Variants in LRRC4C observed in about 807,000 individuals in gnomAD.
LRRC4C encodes the protein leucine rich repeat containing 4C, also known as leucine-rich repeat-containing protein 4C.
LRRC4C carries 5 observed loss-of-function variants against 33.6 expected under a neutral mutation model. That is an observed-to-expected ratio of 0.15 (90% CI 0.08 to 0.31). LRRC4C has a LOEUF of 0.31. Among genes scored for constraint, LRRC4C ranks in the 10% least tolerant of loss-of-function variants. LRRC4C has a pLI of 1.00. For synonymous variants in LRRC4C, 329 were observed against 302.0 expected, an observed-to-expected ratio of 1.09 and a Z score of -0.93; for missense variants, 560 against 796.7, an observed-to-expected ratio of 0.70 and a Z score of 3.58.
intron 4 of LRRC4C, among the ~76,000 whole-genome samples, chr11:40,317,804 G>A (rs182575991): frequency 8.1e-4 from 123 of 152,152 alleles, no homozygotes; most frequent in African/African-American, 2.8e-3. Flanking sequence ...TAAATCTAAA[G>A]TATTCCCATT....
At chr11:41,025,740 G>C (rs747527728) in intron 1 of LRRC4C, among the ~76,000 whole-genome samples, 1 of 151,662 alleles carries the variant, frequency 6.6e-6, no homozygotes, top group Non-Finnish European at 1.5e-5. Context: ...TCGTGTCAAG[G>C]AGACAGCCTT....
chr11:41,164,893 G>T (rs1207308984), intron 1 of LRRC4C, among the ~76,000 whole-genome samples: 2 of 152,130 alleles, frequency 1.3e-5, no homozygotes, highest in Non-Finnish European at 2.9e-5. Context: ...GGCTTGGATA[G>T]AATCCAGGGC....
rs1958122479 is a variant in LRRC4C, at chr11:40,941,067, G to A, written c.-495-7344C>T. On this transcript the variant is annotated intron_variant, in intron 1 of 6. Transcript: ENST00000528697. ...GGACAAAAAAACAGAACTGGCTGGA[G>A]TCAAGCAGTGAAATGGCATTTCAAA... Among the ~76,000 whole-genome samples the A allele has an allele frequency of 2.6e-5, 4 of 151,894 alleles. No homozygotes were observed. The South Asian group carries it at 8.3e-4, about 31-fold the overall frequency.
intron 1 of LRRC4C, among the ~76,000 whole-genome samples, chr11:41,171,796 G>A (rs995449125): frequency 1.3e-5 from 2 of 151,844 alleles, no homozygotes; most frequent in Non-Finnish European, 1.5e-5. Flanking sequence ...AGATTGGTGG[G>A]TTTACTTAAC....
chr11:40,983,745 C>T (rs1183114733), intron 1 of LRRC4C, among the ~76,000 whole-genome samples: 1 of 152,072 alleles, frequency 6.6e-6, no homozygotes, highest in African/African-American at 2.4e-5. Flanking sequence ...TGAAAAAAAG[C>T]CCAACATCCC....
chr11:40,697,595 C>T (rs749401222), intron 2 of LRRC4C, among the ~76,000 whole-genome samples: 2 of 152,176 alleles, frequency 1.3e-5, no homozygotes, highest in African/African-American at 2.4e-5. Flanking sequence ...ATCTATTTTA[C>T]AACCTATGGA....
At chr11:40,445,930 G>T (rs1951615745) in intron 3 of LRRC4C, 1 of 152,160 alleles carries the variant, frequency 6.6e-6, no homozygotes, top group African/African-American at 2.4e-5. Context: ...TTTTTCGATT[G>T]TGTGAATATC....
chr11:40,836,218 G>T (rs780502455), intron 2 of LRRC4C, among the ~76,000 whole-genome samples: 46 of 152,082 alleles, frequency 3.0e-4, no homozygotes, highest in Non-Finnish European at 6.6e-4. Context: ...TAGACCTCCT[G>T]TTACAGGAAG....
chr11:40,592,212 TAC>T (rs1247969120), intron 3 of LRRC4C, among the ~76,000 whole-genome samples: 1 of 152,158 alleles, frequency 6.6e-6, no homozygotes, highest in Non-Finnish European at 1.5e-5. Context: ...TGCTATAAAG[TAC>T]AGAGTGCCAA....
intron 3 of LRRC4C, among the ~76,000 whole-genome samples, chr11:40,524,626 G>T (rs1040643058): frequency 6.6e-6 from 1 of 152,166 alleles, no homozygotes; most frequent in Non-Finnish European, 1.5e-5. Context: ...CTTCTGAAAT[G>T]GATAGAGGCT....
intron 5 of LRRC4C, among the ~76,000 whole-genome samples, chr11:40,146,507 AT>A (rs1442994952): frequency 6.6e-6 from 1 of 152,094 alleles, no homozygotes; most frequent in Non-Finnish European, 1.5e-5. Flanking sequence ...TTAAAATACA[AT>A]TTCCACATGT....
intron 1 of LRRC4C, among the ~76,000 whole-genome samples, chr11:41,380,623 A>C (rs922480785): frequency 6.6e-6 from 1 of 152,278 alleles, no homozygotes; most frequent in Admixed American, 6.5e-5. Context: ...TGTATGGATA[A>C]GCTGGTAGAA....
intron 2 of LRRC4C, among the ~76,000 whole-genome samples, chr11:40,863,827 T>G (rs1226500053): frequency 6.6e-6 from 1 of 152,180 alleles, no homozygotes; most frequent in Non-Finnish European, 1.5e-5. Flanking sequence ...TTTGTGTTAT[T>G]ATAATTTGCT....
chr11:40,829,841 C>T (rs1952331894), intron 2 of LRRC4C, among the ~76,000 whole-genome samples: 1 of 151,884 alleles, frequency 6.6e-6, no homozygotes, highest in African/African-American at 2.4e-5. Flanking sequence ...TTTAGGATAT[C>T]GTCCTATATT....
chr11:40,270,945 CTGAG>C (rs1942650614), intron 4 of LRRC4C, among the ~76,000 whole-genome samples: 1 of 152,100 alleles, frequency 6.6e-6, no homozygotes, highest in Non-Finnish European at 1.5e-5. Context: ...TTATTCCTTC[CTGAG>C]TAAGGTGGCT....
chr11:41,405,409 G>A (rs974548550), intron 1 of LRRC4C, among the ~76,000 whole-genome samples: 7 of 152,146 alleles, frequency 4.6e-5, no homozygotes, highest in African/African-American at 1.7e-4. Flanking sequence ...TAAAATAAAA[G>A]GTACAAAAGT....
At chr11:40,723,188 A>T (rs1463465738) in intron 2 of LRRC4C, among the ~76,000 whole-genome samples, 1 of 152,184 alleles carries the variant, frequency 6.6e-6, no homozygotes, top group African/African-American at 2.4e-5. Flanking sequence ...ATATTTGAGG[A>T]TATAATCCAT....
intron 2 of LRRC4C, among the ~76,000 whole-genome samples, chr11:40,869,295 T>C (rs553418840): frequency 6.6e-6 from 1 of 152,202 alleles, no homozygotes; most frequent in Admixed American, 6.5e-5. Context: ...CTAGTATTAT[T>C]ATTGAAGACC....
intron 3 of LRRC4C, among the ~76,000 whole-genome samples, chr11:40,586,880 T>C (rs1958778796): frequency 6.6e-6 from 1 of 152,214 alleles, no homozygotes; most frequent in Non-Finnish European, 1.5e-5. Flanking sequence ...TACTGTAGCC[T>C]TGTAGTATAG....
Sources: allele counts gnomAD v4.1 joint callset (sites outside exome capture counted in the v4.1 genomes callset), GRCh38; gene constraint gnomAD v4.1.1; transcripts MANE v1.5; gene names NCBI Gene and HGNC (gene_info 2026-07-23, HGNC 2026-07-21).